The following COLQ variants were observed in gnomAD, a reference collection of about 807,000 sequenced individuals.
The protein encoded by COLQ is collagen like tail subunit of asymmetric acetylcholinesterase.
A neutral mutation model predicts 69.0 loss-of-function variants in COLQ; 48 were observed. The ratio of observed to expected loss-of-function variants is 0.70; its 90% CI spans 0.55 to 0.88. The LOEUF is 0.88. Ranked by LOEUF, COLQ falls within the 40% of genes least tolerant of loss-of-function variation. The pLI is 0.00. For missense variants in COLQ, 618 were observed against 594.6 expected (o/e 1.04, Z -0.41); for synonymous variants, 217 against 211.2 (o/e 1.03, Z -0.24).
At chr3:15,462,017 A>ATTTG (rs10641494) in intron 12 of COLQ, among the ~76,000 whole-genome samples, 65,248 of 144,802 alleles carry the variant, frequency 0.45, 14,454 homozygotes, top group East Asian at 0.61. Flanking sequence ...TTATTTATTT[A>ATTTG]TTTATTTATT....
chr3:15,512,497 T>C (rs1310556550), intron 1 of COLQ, among the ~76,000 whole-genome samples: 1 of 152,224 alleles, frequency 6.6e-6, no homozygotes, highest in African/African-American at 2.4e-5. Context: ...CCTCCTTCTC[T>C]GGGCAACGTG....
chr3:15,493,527 G>A (rs772025831), intron 1 of COLQ, among the ~76,000 whole-genome samples: 2 of 152,190 alleles, frequency 1.3e-5, no homozygotes, highest in African/African-American at 2.4e-5. Flanking sequence ...TCTCCATGAC[G>A]GCTGACCCAG....
rs138364143 is a variant in COLQ, at chr3:15,472,217, G to A, written c.637-1601C>T. Among the ~76,000 whole-genome samples, 345 of 152,232 alleles carry A rather than the reference G, an allele frequency of 2.3e-3. 2 individuals are homozygous for A. Among genetic ancestry groups the A allele is most frequent in the Non-Finnish European group, 4.1e-3 (282 of 67,998 alleles). ...TTACAGTAATTTATTATTCTTTGAC[G>A]TTCACTGTTGCCCTGAATGAAAAGC... is the stretch of plus-strand genomic sequence containing the variant. On this transcript the variant is annotated intron_variant, in intron 10 of 16. Coordinates refer to ENST00000383788, the MANE Select transcript of COLQ (RefSeq NM_005677.4).
At chr3:15,518,189 AC>A (rs1467339310) in intron 1 of COLQ, among the ~76,000 whole-genome samples, 1 of 151,982 alleles carries the variant, frequency 6.6e-6, no homozygotes, top group Non-Finnish European at 1.5e-5. Context: ...CAGGTGATCC[AC>A]CCACCTCAGC....
At chr3:15,488,346 A>T in intron 2 of COLQ, 39 bp from the exon 3 acceptor site, 3 of 1,560,018 alleles carry the variant, frequency 1.9e-6, no homozygotes, top group Non-Finnish European at 1.8e-6. Flanking sequence ...GGTCAGGCGT[A>T]GGGGACAGAG....
intron 1 of COLQ, among the ~76,000 whole-genome samples, chr3:15,507,617 A>C (rs1326452076): frequency 2.0e-5 from 3 of 152,028 alleles, no homozygotes; most frequent in Admixed American, 6.6e-5. Context: ...ACCACGCCCA[A>C]CTAATTTTTT....
rs572711635 is a variant in COLQ at position 15,479,746 on chromosome 3, C to T, written c.322-364G>A. Among the ~76,000 whole-genome samples the T allele has an allele frequency of 7.2e-5, 11 of 152,262 alleles. No homozygotes were observed. The South Asian group carries it at 2.3e-3, about 32-fold the overall frequency. On this transcript the variant is annotated intron_variant, in intron 3 of 16. Transcript: ENST00000383788. ...TTGCTGAAAACAAGAGGCTTCATCA[C>T]CTCTCATATCTTTTCAGTTACTCTT...
chr3:15,495,455 T>A (rs371848329), intron 1 of COLQ, among the ~76,000 whole-genome samples: 5 of 152,212 alleles, frequency 3.3e-5, no homozygotes, highest in Non-Finnish European at 5.9e-5. Flanking sequence ...AAAGCTGTGA[T>A]TGGTTTTTTA....
intron 1 of COLQ, among the ~76,000 whole-genome samples, chr3:15,512,331 AC>A (rs1431253147): frequency 6.6e-6 from 1 of 151,730 alleles, no homozygotes; most frequent in African/African-American, 2.4e-5. Flanking sequence ...TTCAGCTGTC[AC>A]CAGCTCCCAA....
At chr3:15,509,250 C>T (rs1042686774) in intron 1 of COLQ, among the ~76,000 whole-genome samples, 4 of 152,176 alleles carry the variant, frequency 2.6e-5, no homozygotes, top group African/African-American at 9.7e-5. Context: ...GACTTGATGG[C>T]CATTGTCACC....
At chr3:15,472,868 C>G (rs550550100) in intron 10 of COLQ, among the ~76,000 whole-genome samples, 1 of 150,234 alleles carries the variant, frequency 6.7e-6, no homozygotes, top group East Asian at 1.9e-4. Flanking sequence ...CTTTTCTTTT[C>G]TTTTTTTTCA....
At chr3:15,453,754 G>T in intron 16 of COLQ, 75 bp downstream of exon 16, 1 of 993,544 alleles carries the variant, frequency 1.0e-6, no homozygotes, top group Non-Finnish European at 1.6e-6. Context: ...CAAAATATTT[G>T]TGAAGGAAAG....
intron 8 of COLQ, 87 bp downstream of exon 8, chr3:15,474,838 G>T: frequency 6.8e-7 from 1 of 1,473,478 alleles, no homozygotes; most frequent in South Asian, 1.1e-5. Context: ...ACTAAAGAGA[G>T]ACCTGGACCC....
chr3:15,462,893 C>G (rs770475718), intron 12 of COLQ, among the ~76,000 whole-genome samples: 4 of 152,134 alleles, frequency 2.6e-5, no homozygotes, highest in Non-Finnish European at 5.9e-5. Context: ...GGAATAGCTC[C>G]AGCTCCACAG....
At chr3:15,456,081 G>A (rs1007222915) in intron 14 of COLQ, 62 bp from the exon 15 acceptor site, 5 of 1,602,304 alleles carry the variant, frequency 3.1e-6, no homozygotes, top group Non-Finnish European at 4.3e-6. Context: ...CGCAGGCAGG[G>A]AGGTCATTGG....
In COLQ at chr3:15,473,888, G is replaced by T; in HGVS notation, c.636+112C>A. The T allele has an allele frequency of 8.1e-7, 1 of 1,241,120 alleles. No homozygotes were observed. The highest frequency in any genetic ancestry group is 1.2e-6 in the Non-Finnish European group (1 of 857,468). 76.9% of individuals were successfully genotyped at this position (1,241,120 alleles called of 1,614,324 possible). A position where few individuals can be genotyped will look rare whatever the true frequency, so the allele number is the denominator to read the frequency against. On this transcript the variant is annotated intron_variant, in intron 10 of 16. Transcript: ENST00000383788. This position sits in a 1 kb window ranked among gnomAD's most constrained non-coding sequence, Gnocchi z 4.0. ...CCGTCCCAAAATAGAAGTTTCCATGGTTAAACCCACCATCCCTGCCTGATA... is the reference window on the plus strand; with the variant it reads ...CCGTCCCAAAATAGAAGTTTCCATGTTTAAACCCACCATCCCTGCCTGATA...
At chr3:15,497,286 C>A (rs948345378) in intron 1 of COLQ, among the ~76,000 whole-genome samples, 1 of 152,132 alleles carries the variant, frequency 6.6e-6, no homozygotes, top group South Asian at 2.1e-4. Context: ...TCAGGTGATC[C>A]GCCCACCTCA....
chr3:15,494,971 TATC>T (rs1187513133), intron 1 of COLQ, among the ~76,000 whole-genome samples: 2 of 152,222 alleles, frequency 1.3e-5, no homozygotes, highest in Non-Finnish European at 2.9e-5. Flanking sequence ...CTACTCTTGT[TATC>T]ATCATCTCCA....
chr3:15,491,077 G>A (rs1379569131), intron 1 of COLQ, among the ~76,000 whole-genome samples: 1 of 151,936 alleles, frequency 6.6e-6, no homozygotes. Flanking sequence ...TCCAGTGGGG[G>A]TTATTGCAAA....
Sources: allele counts gnomAD v4.1 joint callset (sites outside exome capture counted in the v4.1 genomes callset), GRCh38; gene constraint gnomAD v4.1.1; non-coding constraint Gnocchi (gnomAD v3.1); transcripts MANE v1.5; gene names NCBI Gene and HGNC (gene_info 2026-07-23, HGNC 2026-07-21).